The following RBFOX1 variants were observed in gnomAD, a reference collection of about 807,000 sequenced individuals.
The protein encoded by RBFOX1 is RNA binding fox-1 homolog 1.
Under a neutral mutation model 57.7 loss-of-function variants are expected in RBFOX1, and 8 were observed. That is an observed-to-expected ratio of 0.14 (90% CI 0.08 to 0.25). The LOEUF (loss-of-function observed/expected upper bound fraction) is 0.25, where lower values mean the gene tolerates loss of function less well. Ranked by LOEUF, RBFOX1 falls within the 10% of genes least tolerant of loss-of-function variation. The pLI, the probability that RBFOX1 is intolerant of heterozygous loss-of-function variation, is 1.00. For synonymous variants in RBFOX1, 326 were observed against 222.4 expected, an observed-to-expected ratio of 1.47 and a Z score of -4.15; for missense variants, 611 against 548.5, an observed-to-expected ratio of 1.11 and a Z score of -1.14.
chr16:5,446,019 T>G (rs562207631), intron 1 of RBFOX1, among the ~76,000 whole-genome samples: 3 of 152,224 alleles, frequency 2.0e-5, no homozygotes, highest in Non-Finnish European at 2.9e-5. Context: ...TGATTTTTTG[T>G]TGATGGATGT....
Position 6,982,220 on chromosome 16 carries a change from A to T in RBFOX1, c.-15-69837A>T, listed in dbSNP as rs553621834. Among the ~76,000 whole-genome samples the T allele has an allele frequency of 3.9e-5, 6 of 152,188 alleles. 1 individual carries two copies. The highest frequency in any genetic ancestry group is 1.4e-4 in the African/African-American group (6 of 41,450). The stretch of plus-strand genomic sequence containing the variant: ...CCTGAGAATGGTCCTGTGGTTGGCT[A>T]TCAGGTACCCGGGGAGAAATGTAGC... On this transcript the variant is annotated intron_variant, in intron 3 of 15. Transcript: ENST00000550418.
At chr16:7,675,723 T>C (rs1437383761) in intron 13 of RBFOX1, among the ~76,000 whole-genome samples, 1 of 148,408 alleles carries the variant, frequency 6.7e-6, no homozygotes. Context: ...TCTGCTGTTG[T>C]ATACCTTCTC....
intron 3 of RBFOX1, chr16:6,704,680 T>C (rs1161730108): frequency 2.0e-5 from 3 of 152,278 alleles, no homozygotes; most frequent in Non-Finnish European, 4.4e-5. Context: ...TGCCTATTTA[T>C]CCCAAATCCA....
At chr16:5,348,586 C>T (rs982748023) in intron 1 of RBFOX1, among the ~76,000 whole-genome samples, 3 of 152,148 alleles carry the variant, frequency 2.0e-5, no homozygotes, top group Non-Finnish European at 4.4e-5. Context: ...TTGCTCTTAA[C>T]CCCCCATTAT....
At chr16:5,248,398 G>T (rs913000627) in intron 1 of RBFOX1, among the ~76,000 whole-genome samples, 1 of 152,222 alleles carries the variant, frequency 6.6e-6, no homozygotes, top group African/African-American at 2.4e-5. Flanking sequence ...CCTCCTGACT[G>T]CCAGCCCAGA....
intron 1 of RBFOX1, among the ~76,000 whole-genome samples, chr16:6,116,428 A>T (rs1412429306): frequency 6.6e-6 from 1 of 152,208 alleles, no homozygotes; most frequent in Non-Finnish European, 1.5e-5. Flanking sequence ...AATAATTTTT[A>T]AAAAGCTGTT....
chr16:5,710,330 C>T (rs541424153), intron 3 of RBFOX1, among the ~76,000 whole-genome samples: 6 of 152,252 alleles, frequency 3.9e-5, no homozygotes, highest in East Asian at 3.9e-4. Context: ...GCTTTCACTG[C>T]GCTCTCTGTT....
intron 2 of RBFOX1, among the ~76,000 whole-genome samples, chr16:6,408,974 A>G (rs996920717): frequency 6.6e-6 from 1 of 152,254 alleles, no homozygotes; most frequent in South Asian, 2.1e-4. Flanking sequence ...ATCTCCCTGA[A>G]GGTAGAAAAC....
intron 3 of RBFOX1, among the ~76,000 whole-genome samples, chr16:6,840,732 C>A (rs553256213): frequency 1.3e-5 from 2 of 151,620 alleles, no homozygotes; most frequent in African/African-American, 4.8e-5. Flanking sequence ...ACTACAAATA[C>A]AAAAATTAGA....
chr16:7,397,507 C>T (rs1366537511), intron 4 of RBFOX1, among the ~76,000 whole-genome samples: 1 of 152,080 alleles, frequency 6.6e-6, no homozygotes, highest in Non-Finnish European at 1.5e-5. Context: ...GAAAAGAACC[C>T]ACTGGTGACA....
intron 4 of RBFOX1, among the ~76,000 whole-genome samples, chr16:7,443,159 G>A (rs1026179367): frequency 2.0e-5 from 3 of 152,112 alleles, no homozygotes; most frequent in African/African-American, 4.8e-5. Context: ...TCTAACACCC[G>A]TCAATTCTAG....
At chr16:6,262,399 G>A (rs1172488747) in intron 1 of RBFOX1, among the ~76,000 whole-genome samples, 1 of 152,102 alleles carries the variant, frequency 6.6e-6, no homozygotes, top group South Asian at 2.1e-4. Context: ...GCGGTGGGGG[G>A]TGGTGAGTGT....
At chr16:6,125,811 A>C (rs1177810258) in intron 1 of RBFOX1, among the ~76,000 whole-genome samples, 1 of 152,016 alleles carries the variant, frequency 6.6e-6, no homozygotes, top group Admixed American at 6.5e-5. Flanking sequence ...TTGGTAGGCT[A>C]TTTTCCTCCC....
chr16:6,864,995 CTTTTT>C (rs34341448), intron 3 of RBFOX1, among the ~76,000 whole-genome samples: 16 of 82,532 alleles, frequency 1.9e-4, no homozygotes, highest in East Asian at 1.4e-3. Context: ...TTTTCTTTTT[CTTTTT>C]TTTTTTTTTT....
chr16:7,706,343 A>G (rs2082431232), intron 14 of RBFOX1, among the ~76,000 whole-genome samples: 1 of 152,212 alleles, frequency 6.6e-6, no homozygotes, highest in African/African-American at 2.4e-5. Context: ...CTCATTTCTG[A>G]GGAGTAGTTC....
intron 1 of RBFOX1, among the ~76,000 whole-genome samples, chr16:5,322,541 C>G (rs1356605256): frequency 1.3e-5 from 2 of 152,164 alleles, no homozygotes; most frequent in Non-Finnish European, 2.9e-5. Flanking sequence ...TCCGGCAAGA[C>G]TAGGTCTCCA....
At chr16:6,176,079 C>A (rs2097005005) in intron 1 of RBFOX1, among the ~76,000 whole-genome samples, 1 of 152,092 alleles carries the variant, frequency 6.6e-6, no homozygotes, top group African/African-American at 2.4e-5. Context: ...TAGTGATGGG[C>A]TTAATTTCTT....
downstream of RBFOX1, among the ~76,000 whole-genome samples, chr16:5,605,069 T>C (rs2047520959): frequency 6.6e-6 from 1 of 152,180 alleles, no homozygotes; most frequent in South Asian, 2.1e-4. Flanking sequence ...GAGCATTGAC[T>C]CAGGTTTGAC....
At position 6,780,390 on chromosome 16, in the gene RBFOX1, A is replaced by ATATATT. The variant is rs1555461263; in HGVS notation, c.-16+125745_-16+125746insTTATAT. 3.1e-4 allele frequency among the ~76,000 whole-genome samples: 28 copies of ATATATT among 89,092 alleles called. 2 individuals carry two copies. Among genetic ancestry groups the ATATATT allele is most frequent in the African/African-American group, 1.8e-3 (28 of 15,564 alleles). The allele number at this position is 89,092 out of a possible 152,430, so 58.4% of individuals were successfully genotyped here. A position where few individuals can be genotyped will look rare whatever the true frequency, so the allele number is the denominator to read the frequency against. Reference sequence around the variant, plus strand: ...ATTTATAGATATATTTATACATATTATATATATTTTTATATATATTTATAT... The same window carrying ATATATT: ...ATTTATAGATATATTTATACATATTATATATTTATATATTTTTATATATATTTATAT... On this transcript the variant is annotated intron_variant, in intron 3 of 15. Transcript: ENST00000550418.
Sources: allele counts gnomAD v4.1 joint callset (sites outside exome capture counted in the v4.1 genomes callset), GRCh38; gene constraint gnomAD v4.1.1; transcripts MANE v1.5; gene names NCBI Gene and HGNC (gene_info 2026-07-23, HGNC 2026-07-21).